PLA2R1: variants seen among roughly 807,000 people sequenced by gnomAD.
PLA2R1 encodes the protein phospholipase A2 receptor 1.
PLA2R1 carries 158 observed loss-of-function variants against 195.9 expected under a neutral mutation model. The ratio of observed to expected loss-of-function variants is 0.81; its 90% CI spans 0.71 to 0.92. PLA2R1 has a LOEUF of 0.92. Among genes scored for constraint, PLA2R1 ranks in the 40% least tolerant of loss-of-function variants. PLA2R1 has a pLI of 0.00. For synonymous variants in PLA2R1, 586 were observed against 598.2 expected (o/e 0.98, Z 0.30); for missense variants, 1,626 against 1,764.6 (o/e 0.92, Z 1.41).
At chr2:159,943,512 T>C (rs1404032384) in intron 28 of PLA2R1, among the ~76,000 whole-genome samples, 2 of 152,166 alleles carry the variant, frequency 1.3e-5, no homozygotes, top group Non-Finnish European at 2.9e-5. Context: ...GTGTTTGTTC[T>C]CAGGATAGAA....
intron 11 of PLA2R1, among the ~76,000 whole-genome samples, chr2:159,988,589 G>A (rs1465057996): frequency 6.6e-6 from 1 of 152,210 alleles, no homozygotes; most frequent in East Asian, 1.9e-4. Flanking sequence ...AGGATGAAAA[G>A]GAGAAATGAG....
intron 27 of PLA2R1, chr2:159,946,582 T>G: frequency 8.0e-7 from 1 of 1,245,758 alleles, no homozygotes; most frequent in Non-Finnish European, 1.0e-6. Flanking sequence ...AACATGTTAT[T>G]GTTTGTTTTT....
intron 10 of PLA2R1, among the ~76,000 whole-genome samples, chr2:160,009,708 G>A (rs914197848): frequency 1.3e-4 from 4 of 31,040 alleles, no homozygotes; most frequent in South Asian, 5.5e-4. Flanking sequence ...TGTGTTTTAC[G>A]TATATTTTAC....
chr2:159,944,930 C>CTTT lies in PLA2R1; in HGVS notation c.4117_4119dup (p.Lys1373dup). The stretch of plus-strand genomic sequence containing the variant: ...CCTGCCTCCATTTTACATATAAAGC[C>CTTT]TTTTTTTTCTTGACACGGGGATAGC... On this transcript the variant is annotated inframe_insertion, in exon 28 of 30. Transcript: ENST00000283243. 1 of 1,610,080 alleles carries CTTT rather than the reference C, an allele frequency of 6.2e-7. No homozygotes were observed.
chr2:160,007,368 G>C (rs1198282339), intron 10 of PLA2R1, among the ~76,000 whole-genome samples: 1 of 152,160 alleles, frequency 6.6e-6, no homozygotes, highest in East Asian at 1.9e-4. Context: ...CCTAGGTGAG[G>C]ACAAGCATTT....
chr2:159,945,996 C>T, intron 27 of PLA2R1: 1 of 981,696 alleles, frequency 1.0e-6, no homozygotes, highest in South Asian at 4.7e-5. Context: ...CTAACATCTT[C>T]ATCATTACAA....
chr2:159,999,554 C>T lies in PLA2R1; in HGVS notation c.1834+6098G>A, dbSNP rs1379442200. On this transcript the variant is annotated intron_variant, in intron 11 of 29. Coordinates refer to ENST00000283243, the MANE Select transcript of PLA2R1 (RefSeq NM_007366.5). ...TAATTTTTTGTATTTTTAGTAGAGACGGGGTTTCACCGTTCTAGCCGGGAT... is the reference window on the plus strand; with the variant it reads ...TAATTTTTTGTATTTTTAGTAGAGATGGGGTTTCACCGTTCTAGCCGGGAT... 3.2e-4 allele frequency among the ~76,000 whole-genome samples: 4 copies of T among 12,510 alleles called. 2 individuals are homozygous for T. The highest frequency in any genetic ancestry group is 5.2e-3 in the East Asian group (2 of 388). 8.2% of individuals were successfully genotyped at this position (12,510 alleles called of 152,430 possible). A position where few individuals can be genotyped will look rare whatever the true frequency, so the allele number is the denominator to read the frequency against.
chr2:160,023,848 T>C (rs1451348644), intron 6 of PLA2R1, among the ~76,000 whole-genome samples: 1 of 151,780 alleles, frequency 6.6e-6, no homozygotes, highest in African/African-American at 2.4e-5. Context: ...ATCAAGGGAG[T>C]AGCAGAAACA....
chr2:160,007,512 G>A (rs978561296), intron 10 of PLA2R1, among the ~76,000 whole-genome samples: 6 of 152,250 alleles, frequency 3.9e-5, no homozygotes, highest in African/African-American at 1.4e-4. Flanking sequence ...GAACACACCG[G>A]TGGAAGAGCA....
At chr2:160,057,243 C>T (rs1695610051) in intron 1 of PLA2R1, among the ~76,000 whole-genome samples, 2 of 152,124 alleles carry the variant, frequency 1.3e-5, no homozygotes, top group Admixed American at 1.3e-4. Flanking sequence ...CACCATAGAG[C>T]CCCAGAGACA....
downstream of PLA2R1, among the ~76,000 whole-genome samples, chr2:159,927,489 A>G (rs148730627): frequency 1.5e-3 from 232 of 152,288 alleles, no homozygotes; most frequent in Non-Finnish European, 2.7e-3. Flanking sequence ...AGTAAAATCA[A>G]ATGGGGAACT....
chr2:159,974,341 C>T (rs893367488), intron 17 of PLA2R1, among the ~76,000 whole-genome samples: 4 of 152,122 alleles, frequency 2.6e-5, no homozygotes, highest in Admixed American at 2.6e-4. Context: ...AGTTGCTTAA[C>T]CTCTTTGAAG....
chr2:160,028,816 C>T, intron 5 of PLA2R1, 34 bp downstream of exon 5: 1 of 1,245,126 alleles, frequency 8.0e-7, no homozygotes, highest in Non-Finnish European at 1.2e-6. Context: ...AAGATGATGC[C>T]ACGTGACGAA....
chr2:159,991,599 G>A (rs1015918256), intron 11 of PLA2R1, among the ~76,000 whole-genome samples: 2 of 144,232 alleles, frequency 1.4e-5, no homozygotes, highest in Non-Finnish European at 1.5e-5. Flanking sequence ...ATCTCCCAAT[G>A]CTATCCCTCC....
intron 17 of PLA2R1, among the ~76,000 whole-genome samples, chr2:159,970,958 G>A (rs906250793): frequency 6.6e-6 from 1 of 151,106 alleles, no homozygotes; most frequent in African/African-American, 2.4e-5. Context: ...GTCGGGGGGT[G>A]GGGGGCTGGG....
At chr2:159,962,436 G>A (rs944248948) in intron 20 of PLA2R1, among the ~76,000 whole-genome samples, 3 of 152,160 alleles carry the variant, frequency 2.0e-5, no homozygotes, top group East Asian at 1.9e-4. Context: ...ACTGTTGGTG[G>A]GAGTGTAAAT....
At position 159,937,852 on chromosome 2, in the gene PLA2R1, G is replaced by A. The variant is rs933071279; in HGVS notation, c.*3926C>T. 1 of 152,188 alleles carries A rather than the reference G, an allele frequency of 6.6e-6. No homozygotes were observed. Among genetic ancestry groups the A allele is most frequent in the Non-Finnish European group, 1.5e-5 (1 of 68,022 alleles). The allele number at this position is 152,188 out of a possible 1,614,324, so 9.4% of individuals were successfully genotyped here. ...AGAAAGACGTGAGGATCTACAGAAT[G>A]AGTTTACAATTTCTTTATTAAAAGA... On this transcript the variant is annotated 3_prime_UTR_variant, in exon 30 of 30. Transcript: ENST00000283243.
intron 1 of PLA2R1, among the ~76,000 whole-genome samples, chr2:160,057,274 T>C (rs1185622838): frequency 6.6e-6 from 1 of 152,152 alleles, no homozygotes; most frequent in Non-Finnish European, 1.5e-5. Context: ...GATAAAGTAA[T>C]GCTTCATGTC....
intron 4 of PLA2R1, 140 bp from the exon 5 acceptor site, chr2:160,029,103 G>A (rs965846188): frequency 1.6e-6 from 1 of 624,420 alleles, no homozygotes; most frequent in Non-Finnish European, 2.9e-6. Flanking sequence ...TGGTGCTTCT[G>A]AGTGATAAAG....
Sources: allele counts gnomAD v4.1 joint callset (sites outside exome capture counted in the v4.1 genomes callset), GRCh38; gene constraint gnomAD v4.1.1; transcripts MANE v1.5; gene names NCBI Gene and HGNC (gene_info 2026-07-23, HGNC 2026-07-21).